CSTPP1: variants seen among roughly 807,000 people sequenced by gnomAD.
CSTPP1 encodes the protein UPF0705 protein C11orf49.
the CSTPP1 span, among the ~76,000 whole-genome samples, chr11:47,102,317 T>C: frequency 6.6e-6 from 1 of 151,676 alleles, no homozygotes; most frequent in Admixed American, 6.6e-5. Flanking sequence ...AAAAAAAAAA[T>C]TAGAACAGAA....
chr11:47,090,916 G>A, the CSTPP1 span, among the ~76,000 whole-genome samples: 1 of 150,652 alleles, frequency 6.6e-6, no homozygotes, highest in Non-Finnish European at 1.5e-5. Flanking sequence ...GCGGGCGCCT[G>A]TGGTCCCAGC....
chr11:47,164,083 C>T, the CSTPP1 span: 30 of 1,598,520 alleles, frequency 1.9e-5, no homozygotes, highest in East Asian at 5.6e-4. Context: ...CTTTCCTCTG[C>T]GTGCCACAGG....
chr11:46,976,334 T>A, the CSTPP1 span, among the ~76,000 whole-genome samples: 3 of 152,096 alleles, frequency 2.0e-5, no homozygotes, highest in African/African-American at 7.2e-5. Flanking sequence ...GACACTTCAG[T>A]GGTCCTGCAG....
the CSTPP1 span, among the ~76,000 whole-genome samples, chr11:46,973,780 A>ATGTGTGTGTGTGTG: frequency 7.6e-4 from 115 of 150,704 alleles, no homozygotes; most frequent in African/African-American, 2.2e-3. Flanking sequence ...TGGAGGGTGT[A>ATGTGTGTGTGTGTG]TGTGTGTGTG....
chr11:47,031,490 G>A, the CSTPP1 span, among the ~76,000 whole-genome samples: 1 of 152,104 alleles, frequency 6.6e-6, no homozygotes, highest in Non-Finnish European at 1.5e-5. Context: ...TCAGGAGTTT[G>A]AGACCAGCCT....
chr11:47,081,837 TC>T, the CSTPP1 span, among the ~76,000 whole-genome samples: 1 of 151,500 alleles, frequency 6.6e-6, no homozygotes, highest in African/African-American at 2.4e-5. Context: ...ATACCTGTAA[TC>T]CCAGCACTTT....
chr11:47,153,096 G>T, the CSTPP1 span, among the ~76,000 whole-genome samples: 1 of 152,186 alleles, frequency 6.6e-6, no homozygotes, highest in Non-Finnish European at 1.5e-5. Context: ...CTCTCTAGCT[G>T]CCCGCTCTCT....
chr11:47,138,030 A>G, the CSTPP1 span: 6 of 407,426 alleles, frequency 1.5e-5, no homozygotes, highest in Admixed American at 2.4e-4. Context: ...CACACACCCT[A>G]GAGGATATTC....
chr11:47,139,707 C>A, the CSTPP1 span, among the ~76,000 whole-genome samples: 1 of 151,414 alleles, frequency 6.6e-6, no homozygotes, highest in Non-Finnish European at 1.5e-5. Context: ...AAGTGATGAA[C>A]CCCAGTTGAG....
chr11:47,150,892 T>G, the CSTPP1 span, among the ~76,000 whole-genome samples: 1 of 146,874 alleles, frequency 6.8e-6, no homozygotes, highest in African/African-American at 2.5e-5. Context: ...GGTTTTTTTT[T>G]TTTTTTTTTT....
At chr11:47,157,820 C>T in the CSTPP1 span, 1 of 1,613,962 alleles carries the variant, frequency 6.2e-7, no homozygotes. Context: ...TAGCTGCCCA[C>T]CCCCAGCACT....
At chr11:46,943,920 C>T in the CSTPP1 span, among the ~76,000 whole-genome samples, 15,262 of 152,074 alleles carry the variant, frequency 0.1, 2,543 homozygotes, top group African/African-American at 0.35. Context: ...ACTCAGGAGG[C>T]GGAGGTGGGA....
the CSTPP1 span, among the ~76,000 whole-genome samples, chr11:47,033,358 A>G: frequency 2.0e-5 from 3 of 152,312 alleles, no homozygotes; most frequent in Non-Finnish European, 4.4e-5. Context: ...GCAGTCTTGA[A>G]TAGTTGGAAC....
the CSTPP1 span, among the ~76,000 whole-genome samples, chr11:47,016,401 AAAC>A: frequency 0.017 from 2,600 of 149,098 alleles, 99 homozygotes; most frequent in African/African-American, 0.062. Context: ...AAAAAACAAA[AAAC>A]AAAAAACAAA....
chr11:47,102,886 A>G, the CSTPP1 span, among the ~76,000 whole-genome samples: 7 of 151,584 alleles, frequency 4.6e-5, no homozygotes, highest in Non-Finnish European at 1.5e-5. Context: ...GCACTTTAAA[A>G]TGTGGTTAAG....
chr11:46,976,646 G>C, the CSTPP1 span, among the ~76,000 whole-genome samples: 38 of 152,316 alleles, frequency 2.5e-4, no homozygotes, highest in African/African-American at 8.9e-4. Flanking sequence ...GCTTGGCACA[G>C]AATAGGTATT....
chr11:47,054,598 C>G, the CSTPP1 span, among the ~76,000 whole-genome samples: 1 of 152,080 alleles, frequency 6.6e-6, no homozygotes, highest in Non-Finnish European at 1.5e-5. Context: ...CCACCATGCC[C>G]CATCTTATTT....
At chr11:46,992,900 T>A in the CSTPP1 span, among the ~76,000 whole-genome samples, 1 of 152,214 alleles carries the variant, frequency 6.6e-6, no homozygotes, top group Non-Finnish European at 1.5e-5. Context: ...CCAGCACCTG[T>A]TGTTTCCTGA....
At chr11:46,943,444 T>C in the CSTPP1 span, among the ~76,000 whole-genome samples, 1 of 152,332 alleles carries the variant, frequency 6.6e-6, no homozygotes, top group African/African-American at 2.4e-5. Flanking sequence ...AACTATTGTG[T>C]AGACCTATAC....
Sources: gnomAD v4.1 joint callset for allele counts (sites outside exome capture counted in the v4.1 genomes callset) on GRCh38, gnomAD v4.1.1 for gene constraint, MANE v1.5 for transcripts, NCBI Gene and HGNC (gene_info 2026-07-23, HGNC 2026-07-21) for gene names.